Variants in PLD3 observed in about 807,000 individuals in gnomAD.
PLD3 encodes the protein 5'-3' exonuclease PLD3.
PLD3 carries 31 observed loss-of-function variants against 58.4 expected under a neutral mutation model. The ratio of observed to expected loss-of-function variants is 0.53; its 90% CI spans 0.40 to 0.72. PLD3 has a LOEUF of 0.72. PLD3 is among the 30% of genes least tolerant of loss of function. PLD3 has a pLI of 0.00. For synonymous variants in PLD3, 264 were observed against 273.4 expected, an observed-to-expected ratio of 0.97 and a Z score of 0.34; for missense variants, 595 against 659.8, an observed-to-expected ratio of 0.90 and a Z score of 1.08.
intron 5 of PLD3, chr19:40,367,242 A>C: frequency 3.2e-6 from 1 of 311,086 alleles, no homozygotes; most frequent in East Asian, 5.6e-5. Flanking sequence ...ACGCATTCAA[A>C]TACACACAGT....
chr19:40,366,652 A>G lies in PLD3; in HGVS notation c.70A>G (p.Asn24Asp). ...AEEPANELPM[N>D]EIEAWKAAEK... ...GGAGCCCGCCAATGAGCTGCCCATG[A>G]ATGAGATTGAGGCGTGGAAGGCTGC... Residue 24 changes from asparagine to aspartate, a missense_variant, in exon 4 of 13, where the codon AAT (asparagine) becomes GAT (aspartate). Transcript: ENST00000409735. 1 of 1,593,772 alleles carries G rather than the reference A, an allele frequency of 6.3e-7. No individual in the cohort carries two copies. Among genetic ancestry groups the G allele is most frequent in the Non-Finnish European group, 8.6e-7 (1 of 1,167,906 alleles).
In PLD3 at chr19:40,366,880, C is replaced by A; in HGVS notation, c.210C>A (p.Pro70=). 6.2e-7 allele frequency: 1 copy of A among 1,613,062 alleles called. No homozygotes were observed. The highest frequency in any genetic ancestry group is 8.5e-7 in the Non-Finnish European group (1 of 1,179,462). The change falls in exon 5 of 13, where the codon CCC becomes CCA. Residue 70 remains proline, a synonymous_variant. Coordinates refer to ENST00000409735, the MANE Select transcript of PLD3 (RefSeq NM_012268.4). ...WEYGDLHLFG[P]NQRPAPCYDP... ...ACGGCGACTTGCATCTCTTTGGGCC[C>A]AACCAGCGCCCAGCCCCCTGCTATG...
intron 10 of PLD3, among the ~76,000 whole-genome samples, chr19:40,375,732 T>C (rs951506292): frequency 1.1e-4 from 17 of 150,194 alleles, no homozygotes; most frequent in African/African-American, 4.2e-4. Flanking sequence ...ATGGCACTTG[T>C]GGGGCTCAAA....
chr19:40,354,039 G>A (rs892975449), intron 1 of PLD3, among the ~76,000 whole-genome samples: 4 of 148,720 alleles, frequency 2.7e-5, no homozygotes, highest in East Asian at 3.9e-4. Flanking sequence ...GGCTACAGGC[G>A]CATACCACCA....
rs762258284 is a variant in PLD3, at chr19:40,367,656, C to G, written c.246-40C>G. On this transcript the variant is annotated intron_variant, in intron 5 of 12. Transcript: ENST00000409735. The stretch of plus-strand genomic sequence containing the variant: ...GAGCACTCACCTCCCAGCCCTTGCT[C>G]TCCGGCACCGTATGGCTGATAGCAT... 1.9e-6 allele frequency: 3 copies of G among 1,564,164 alleles called. No homozygotes were observed. The South Asian group carries it at 3.4e-5, about 18-fold the overall frequency.
At chr19:40,361,097 C>T (rs1253168570) in intron 1 of PLD3, among the ~76,000 whole-genome samples, 1 of 151,906 alleles carries the variant, frequency 6.6e-6, no homozygotes, top group Admixed American at 6.6e-5. Context: ...GCCTGGGCAG[C>T]GTAGGGAGAT....
intron 1 of PLD3, among the ~76,000 whole-genome samples, chr19:40,351,753 A>G (rs541382634): frequency 6.6e-6 from 1 of 152,268 alleles, no homozygotes; most frequent in Admixed American, 6.5e-5. Flanking sequence ...AGCCATGCAG[A>G]AGGCTGGCTT....
chr19:40,373,576 C>CA (rs1250262822), intron 9 of PLD3, among the ~76,000 whole-genome samples: 3,799 of 73,402 alleles, frequency 0.052, 133 homozygotes, highest in African/African-American at 0.13. Context: ...GACTCCACTT[C>CA]AAAAAAAAAA....
chr19:40,351,816 C>T (rs569908178), intron 1 of PLD3, among the ~76,000 whole-genome samples: 6 of 152,230 alleles, frequency 3.9e-5, no homozygotes, highest in African/African-American at 1.2e-4. Flanking sequence ...AGGAGGGATG[C>T]GGTCCAGTGT....
rs1423012301 is a variant in PLD3, at chr19:40,377,758, C to T, written c.1186-28C>T. 4 of 1,576,654 alleles carry T rather than the reference C, an allele frequency of 2.5e-6. No individual in the cohort carries two copies. The East Asian group carries it at 9.0e-5, about 35-fold the overall frequency. Reference sequence around the variant, plus strand: ...CCTCCGACTCCCCCTGCCTCTCACACTCCTTCCCATCCTCCCCTCCCACTC... The same window carrying T: ...CCTCCGACTCCCCCTGCCTCTCACATTCCTTCCCATCCTCCCCTCCCACTC... On this transcript the variant is annotated intron_variant, in intron 11 of 12. Transcript: ENST00000409735.
chr19:40,363,577 C>T (rs1284233315), intron 1 of PLD3, among the ~76,000 whole-genome samples: 1 of 152,162 alleles, frequency 6.6e-6, no homozygotes, highest in Non-Finnish European at 1.5e-5. Context: ...ATTACAAGCG[C>T]CCGCCACCAC....
intron 1 of PLD3, among the ~76,000 whole-genome samples, chr19:40,361,017 C>T (rs897502987): frequency 2.0e-5 from 3 of 151,254 alleles, no homozygotes; most frequent in Non-Finnish European, 4.4e-5. Context: ...CGAAGTGGCT[C>T]ATGCCTGAAA....
chr19:40,354,069 CTTTTT>C (rs36125021), intron 1 of PLD3, among the ~76,000 whole-genome samples: 2 of 78,240 alleles, frequency 2.6e-5, no homozygotes, highest in African/African-American at 5.7e-5. Flanking sequence ...ATTTTTTAGC[CTTTTT>C]TTTTTTTTTT....
At position 40,365,262 on chromosome 19, in the gene PLD3, G is replaced by A. The variant is rs141749681; in HGVS notation, c.-278-456G>A. The stretch of plus-strand genomic sequence containing the variant: ...TCTCCAGTGTATTTCTCCAGCCGGG[G>A]CCTTAAATCCCTCTTGGGAGATATG... On this transcript the variant is annotated intron_variant, in intron 1 of 12. Transcript: ENST00000409735. 7.8e-3 allele frequency among the ~76,000 whole-genome samples: 1,184 copies of A among 152,286 alleles called. 21 individuals are homozygous for A. Among genetic ancestry groups the A allele is most frequent in the African/African-American group, 0.027 (1,130 of 41,556 alleles).
In PLD3 at chr19:40,369,952, C is replaced by A; in HGVS notation, c.474C>A (p.Gly158=). Reference sequence around the variant, plus strand: ...AGCTGCAGACCCTGGCACCAAAGGGCGTGAACGTCCGCATCGCTGTGAGCA... The same window carrying A: ...AGCTGCAGACCCTGGCACCAAAGGGAGTGAACGTCCGCATCGCTGTGAGCA... ...LRQLQTLAPK[G]VNVRIAVSKP... The change falls in exon 7 of 13, where the codon GGC becomes GGA. Residue 158 remains glycine (G), a synonymous_variant. Coordinates refer to ENST00000409735, the MANE Select transcript of PLD3 (RefSeq NM_012268.4). 3.8e-6 allele frequency: 6 copies of A among 1,561,884 alleles called. No homozygotes were observed. The highest frequency in any genetic ancestry group is 5.2e-6 in the Non-Finnish European group (6 of 1,154,006).
intron 2 of PLD3, 83 bp downstream of exon 2, chr19:40,366,013 TG>T: frequency 5.7e-6 from 1 of 175,380 alleles, no homozygotes; most frequent in East Asian, 1.8e-4. Context: ...CTGTGTGGTG[TG>T]GGGGCACCTG....
intron 1 of PLD3, among the ~76,000 whole-genome samples, chr19:40,362,695 C>G (rs535856989): frequency 4.6e-4 from 70 of 152,304 alleles, no homozygotes; most frequent in Non-Finnish European, 8.4e-4. Context: ...ACCTTGGCCT[C>G]CCAAAGTGCT....
chr19:40,372,787 A>T (rs2079098039), intron 9 of PLD3, among the ~76,000 whole-genome samples: 1 of 151,942 alleles, frequency 6.6e-6, no homozygotes, highest in South Asian at 2.1e-4. Flanking sequence ...AGACAGGGGG[A>T]TCACTTGAGC....
rs150986595 is a variant in PLD3 at position 40,354,352 on chromosome 19, G to A, written c.-279+5584G>A. Among the ~76,000 whole-genome samples the A allele has an allele frequency of 4.6e-3, 697 of 151,672 alleles. 1 individual carries two copies. Among genetic ancestry groups the A allele is most frequent in the African/African-American group, 0.015 (629 of 41,326 alleles). Reference sequence around the variant, plus strand: ...CTCCCAAAGTGCTGGGGTTACAGGCGTGAGCCACCACGCCTGGCCTAGGCT... The same window carrying A: ...CTCCCAAAGTGCTGGGGTTACAGGCATGAGCCACCACGCCTGGCCTAGGCT... On this transcript the variant is annotated intron_variant, in intron 1 of 12. Coordinates refer to ENST00000409735, the MANE Select transcript of PLD3 (RefSeq NM_012268.4).
Sources: allele counts gnomAD v4.1 joint callset (sites outside exome capture counted in the v4.1 genomes callset), GRCh38; gene constraint gnomAD v4.1.1; transcripts MANE v1.5; gene names NCBI Gene and HGNC (gene_info 2026-07-23, HGNC 2026-07-21).